Variants in LPA observed in about 807,000 individuals in gnomAD.
The protein encoded by LPA is lipoprotein(a).
A neutral mutation model predicts 197.9 loss-of-function variants in LPA; 199 were observed. The observed-to-expected ratio is 1.01, with a 90% CI of 0.90 to 1.13. The LOEUF (loss-of-function observed/expected upper bound fraction) is 1.13, where lower values mean the gene tolerates loss of function less well. Ranked by LOEUF, LPA falls within the 50% of genes most tolerant of loss-of-function variation. The pLI is 0.00. For synonymous variants in LPA, 715 were observed against 639.5 expected, an observed-to-expected ratio of 1.12 and a Z score of -1.78; for missense variants, 1,853 against 1,785.8, an observed-to-expected ratio of 1.04 and a Z score of -0.68.
chr6:160,610,700 C>G (rs1480715255), intron 16 of LPA, among the ~76,000 whole-genome samples: 4 of 152,094 alleles, frequency 2.6e-5, no homozygotes, highest in Admixed American at 1.3e-4. Flanking sequence ...CCAGAGTCAT[C>G]CCAAACTCCA....
At chr6:160,534,369 A>G (rs1046794093) in intron 37 of LPA, among the ~76,000 whole-genome samples, 1 of 152,252 alleles carries the variant, frequency 6.6e-6, no homozygotes, top group Non-Finnish European at 1.5e-5. Context: ...GTCTATGAGT[A>G]TGTGCTGCCA....
intron 33 of LPA, among the ~76,000 whole-genome samples, chr6:160,543,723 C>T (rs1778020549): frequency 6.6e-6 from 1 of 152,202 alleles, no homozygotes; most frequent in South Asian, 2.1e-4. Flanking sequence ...TTATACCCTA[C>T]TCCTACTATT....
At chr6:160,605,982 G>T (rs1779341448) in intron 17 of LPA, among the ~76,000 whole-genome samples, 1 of 152,208 alleles carries the variant, frequency 6.6e-6, no homozygotes, top group Admixed American at 6.5e-5. Context: ...ATCATTGGGA[G>T]TTCATGTACT....
intron 37 of LPA, among the ~76,000 whole-genome samples, chr6:160,537,096 T>C (rs926102331): frequency 1.3e-5 from 2 of 152,112 alleles, no homozygotes; most frequent in Non-Finnish European, 2.9e-5. Context: ...TCTGAGAAAG[T>C]AGAGCTGAGA....
intron 32 of LPA, among the ~76,000 whole-genome samples, chr6:160,547,397 G>A (rs1778089424): frequency 6.6e-6 from 1 of 152,178 alleles, no homozygotes; most frequent in Admixed American, 6.5e-5. Flanking sequence ...GAGAGTGATG[G>A]GAAGCAGCAG....
At chr6:160,560,922 GT>G (rs1270681644) in intron 28 of LPA, among the ~76,000 whole-genome samples, 2 of 151,686 alleles carry the variant, frequency 1.3e-5, no homozygotes, top group South Asian at 2.1e-4. Context: ...TTTTGTTTTT[GT>G]TTTTTTGATG....
chr6:160,661,600 G>C (rs1195811493), intron 1 of LPA, among the ~76,000 whole-genome samples: 1 of 152,178 alleles, frequency 6.6e-6, no homozygotes, highest in African/African-American at 2.4e-5. Context: ...CCCCACCTCT[G>C]TGACTTTGTC....
intron 1 of LPA, among the ~76,000 whole-genome samples, chr6:160,653,998 A>ATATATTATATATAG (rs1780064446): frequency 2.1e-4 from 3 of 14,388 alleles, no homozygotes; most frequent in African/African-American, 1.2e-3. Context: ...AATATATATT[A>ATATATTATATATAG]TATATAATAT....
chr6:160,652,161 A>G (rs1780019230), intron 1 of LPA, among the ~76,000 whole-genome samples: 1 of 152,030 alleles, frequency 6.6e-6, no homozygotes, highest in South Asian at 2.1e-4. Context: ...AATGGCTATG[A>G]ATTTTACAAA....
Position 160,591,006 on chromosome 6 carries a change from A to C in LPA, c.3725T>G (p.Leu1242Arg). 6.2e-7 allele frequency: 1 copy of C among 1,614,028 alleles called. No individual in the cohort carries two copies. The highest frequency in any genetic ancestry group is 8.5e-7 in the Non-Finnish European group (1 of 1,179,932). ...DPNVRWEYCN[L>R]TQCPVTESSV... Reference sequence around the variant, plus strand: ...TGATTCTGTCACTGGACATTGTGTCAGGTTGCAGTACTCCCATCTGACATT... The same window carrying C: ...TGATTCTGTCACTGGACATTGTGTCCGGTTGCAGTACTCCCATCTGACATT... Residue 1242 changes from leucine (L) to arginine (R), a missense_variant, in exon 23 of 39, where the codon CTG becomes CGG. Physicochemically the swap from Leu to Arg is moderately radical, Grantham distance 102. Coordinates refer to ENST00000316300, the MANE Select transcript of LPA (RefSeq NM_005577.4).
At chr6:160,574,904 G>C (rs567120255) in intron 28 of LPA, among the ~76,000 whole-genome samples, 1 of 152,222 alleles carries the variant, frequency 6.6e-6, no homozygotes, top group East Asian at 1.9e-4. Context: ...CTGCAATCTA[G>C]TCCTGCCTCC....
At chr6:160,600,320 GT>G (rs2115054248) in intron 19 of LPA, among the ~76,000 whole-genome samples, 2 of 152,246 alleles carry the variant, frequency 1.3e-5, no homozygotes, top group Non-Finnish European at 2.9e-5. Flanking sequence ...GCAGGTACAA[GT>G]TCCATCAGAA....
intron 1 of LPA, among the ~76,000 whole-genome samples, chr6:160,653,959 ATATATAT>A (rs1780054794): frequency 1.0e-4 from 3 of 29,858 alleles, no homozygotes; most frequent in South Asian, 1.0e-3. Context: ...ATTATATATA[ATATATAT>A]TATATATAAT....
chr6:160,547,379 G>A (rs1052291615), intron 32 of LPA, among the ~76,000 whole-genome samples: 1 of 152,154 alleles, frequency 6.6e-6, no homozygotes, highest in Non-Finnish European at 1.5e-5. Context: ...CAGAGCTCAG[G>A]CAGCTATGAG....
rs75482932 is a variant in LPA at position 160,576,132 on chromosome 6, T to C, written c.4631+1004A>G. On this transcript the variant is annotated intron_variant, in intron 28 of 38. Transcript: ENST00000316300. ...AACAGTATTTTCATATATTTTATAGTCATTTACTTCCAAAAGGCTGTTATG... is the reference window on the plus strand; with the variant it reads ...AACAGTATTTTCATATATTTTATAGCCATTTACTTCCAAAAGGCTGTTATG... 9.6e-3 allele frequency among the ~76,000 whole-genome samples: 1,458 copies of C among 151,974 alleles called. 10 individuals are homozygous for C. Among genetic ancestry groups the C allele is most frequent in the Middle Eastern group, 0.031 (9 of 292 alleles).
rs1383509919 is a variant in LPA, at chr6:160,605,100, C to A, written c.2891G>T (p.Trp964Leu). ...ITVTGRTCQAWSSMTPHSHSR... is the reference protein window; with the variant it reads ...ITVTGRTCQALSSMTPHSHSR... ...ATGCGAGTGTGGTGTCATAGATGAC[C>A]AAGCTTGGCAGGTTCTTCCTGTGAC... The change falls in exon 18 of 39, where the codon TGG becomes TTG. Residue 964 changes from tryptophan to leucine, a missense_variant. Around this residue, in one of 3 missense-constraint regions of LPA, gnomAD observed 1,737 missense variants for 1,504.4 expected, o/e 1.15. Coordinates refer to ENST00000316300, the MANE Select transcript of LPA (RefSeq NM_005577.4). 4.3e-6 allele frequency: 7 copies of A among 1,613,768 alleles called. No homozygotes were observed. The highest frequency in any genetic ancestry group is 5.9e-6 in the Non-Finnish European group (7 of 1,179,842).
chr6:160,586,114 G>A (rs536837976), intron 25 of LPA, among the ~76,000 whole-genome samples: 18 of 152,324 alleles, frequency 1.2e-4, no homozygotes, highest in South Asian at 2.1e-4. Flanking sequence ...GGCTGGACAG[G>A]CTTAGGAGCT....
chr6:160,650,431 G>T lies in LPA; in HGVS notation c.116C>A (p.Thr39Lys). ...CCTTCCTGTGACAGTGGTGGAGTAC[G>T]TGCCTCGATAACTCTGTCCATCACC... is the stretch of plus-strand genomic sequence containing the variant. ...YHGDGQSYRG[T>K]YSTTVTGRTC... The change falls in exon 2 of 39, where the codon ACG becomes AAG. Residue 39 changes from threonine (T) to lysine (K), a missense_variant. By Grantham distance (78) the Thr-to-Lys change is moderately conservative (BLOSUM62 -1). Coordinates refer to ENST00000316300, the MANE Select transcript of LPA (RefSeq NM_005577.4). 6.2e-7 allele frequency: 1 copy of T among 1,613,806 alleles called. No individual in the cohort carries two copies. The highest frequency in any genetic ancestry group is 2.2e-5 in the East Asian group (1 of 44,872).
At chr6:160,551,922 T>A (rs1778172727) in intron 30 of LPA, among the ~76,000 whole-genome samples, 1 of 150,954 alleles carries the variant, frequency 6.6e-6, no homozygotes, top group Non-Finnish European at 1.5e-5. Context: ...CCTTTTTTTT[T>A]TTTTTTTTTG....
Sources: allele counts gnomAD v4.1 joint callset (sites outside exome capture counted in the v4.1 genomes callset), GRCh38; gene constraint gnomAD v4.1.1; regional missense constraint gnomAD v4.1.1; transcripts MANE v1.5; gene names NCBI Gene and HGNC (gene_info 2026-07-23, HGNC 2026-07-21).